GABRG2: variants seen among roughly 807,000 people sequenced by gnomAD.
The protein encoded by GABRG2 is gamma-aminobutyric acid type A receptor subunit gamma2.
In GABRG2, 16 loss-of-function variants were observed where a neutral mutation model predicts 56.4. The ratio of observed to expected loss-of-function variants is 0.28; its 90% CI spans 0.19 to 0.43. The LOEUF (loss-of-function observed/expected upper bound fraction) is 0.43, where lower values mean the gene tolerates loss of function less well. Ranked by LOEUF, GABRG2 falls within the 20% of genes least tolerant of loss-of-function variation. The pLI is 1.00. For synonymous variants in GABRG2, 208 were observed against 205.5 expected (o/e 1.01, Z -0.10); for missense variants, 327 against 582.7 (o/e 0.56, Z 4.52).
At chr5:162,094,112 T>A in intron 2 of GABRG2, 133 bp downstream of exon 2, 1 of 984,292 alleles carries the variant, frequency 1.0e-6, no homozygotes, top group Non-Finnish European at 1.6e-6. Flanking sequence ...GTAAAAGTAG[T>A]GTTTAAATAG....
At chr5:162,072,283 C>G (rs1331136058) in intron 1 of GABRG2, among the ~76,000 whole-genome samples, 1 of 151,968 alleles carries the variant, frequency 6.6e-6, no homozygotes, top group East Asian at 1.9e-4. Context: ...GGCTACCTCC[C>G]TACTACAATT....
At chr5:162,124,235 C>T (rs1360186540) in intron 6 of GABRG2, among the ~76,000 whole-genome samples, 1 of 151,764 alleles carries the variant, frequency 6.6e-6, no homozygotes, top group Non-Finnish European at 1.5e-5. Context: ...GTTTAAGAGT[C>T]CAATTGGCAA....
rs1281682946 is a variant in GABRG2 at position 162,092,802 on chromosome 5, G to A, written c.108-1026G>A. 3.9e-5 allele frequency among the ~76,000 whole-genome samples: 6 copies of A among 152,106 alleles called. No homozygotes were observed. In the East Asian group the frequency reaches 1.2e-3, roughly 29 times the overall value. ...AAAGATGGGGGCAGGGGTGGGAAATGTTATATTTTAAGTTTGCATTTTTAA... is the reference window on the plus strand; with the variant it reads ...AAAGATGGGGGCAGGGGTGGGAAATATTATATTTTAAGTTTGCATTTTTAA... On this transcript the variant is annotated intron_variant, in intron 1 of 9. Transcript: ENST00000639213.
In GABRG2 at chr5:162,101,331, C is replaced by T; in HGVS notation, c.631+14C>T. The T allele has an allele frequency of 6.5e-7, 1 of 1,543,752 alleles. No homozygotes were observed. The highest frequency in any genetic ancestry group is 9.0e-7 in the Non-Finnish European group (1 of 1,117,016). On this transcript the variant is annotated intron_variant, in intron 5 of 9. Coordinates refer to ENST00000639213, the MANE Select transcript of GABRG2 (RefSeq NM_198904.4). ...AGTTCTCCAGTTGTAAGTAATATTCCTTCTCCATTTGTATCCTCCCTCACC... is the reference window on the plus strand; with the variant it reads ...AGTTCTCCAGTTGTAAGTAATATTCTTTCTCCATTTGTATCCTCCCTCACC...
At chr5:162,110,318 G>C (rs139718817) in intron 6 of GABRG2, among the ~76,000 whole-genome samples, 36 of 152,076 alleles carry the variant, frequency 2.4e-4, no homozygotes, top group African/African-American at 7.7e-4. Context: ...CCATCATACT[G>C]TTCCCTTCCC....
intron 1 of GABRG2, among the ~76,000 whole-genome samples, chr5:162,081,761 G>T (rs767610548): frequency 3.3e-5 from 5 of 151,864 alleles, no homozygotes; most frequent in Non-Finnish European, 7.4e-5. Context: ...AACCACTCTA[G>T]CAAGTCCAAG....
intron 1 of GABRG2, among the ~76,000 whole-genome samples, chr5:162,090,440 A>G (rs1377892503): frequency 6.6e-6 from 1 of 152,094 alleles, no homozygotes; most frequent in Admixed American, 6.6e-5. Flanking sequence ...ATCATTTGTG[A>G]AACTTGTTAA....
intron 5 of GABRG2, chr5:162,102,543 G>A: frequency 2.2e-6 from 1 of 454,100 alleles, no homozygotes; most frequent in South Asian, 1.6e-5. Flanking sequence ...GTTTTGTTTT[G>A]TTTTGGACAG....
chr5:162,067,740 G>C (rs977963879), upstream of GABRG2: 2 of 609,382 alleles, frequency 3.3e-6, no homozygotes, highest in Admixed American at 2.9e-5. Context: ...CCCCTGCCTC[G>C]ATGATATTAC....
At chr5:162,108,858 A>G (rs1221639800) in intron 6 of GABRG2, among the ~76,000 whole-genome samples, 2 of 152,158 alleles carry the variant, frequency 1.3e-5, no homozygotes, top group Non-Finnish European at 2.9e-5. Context: ...TTAAGAAAAC[A>G]TGATTTCTAT....
At position 162,154,163 on chromosome 5, in the gene GABRG2, T is replaced by C. The variant is rs1419483229; in HGVS notation, c.*795T>C. 6.6e-6 allele frequency: 1 copy of C among 152,182 alleles called. No individual in the cohort carries two copies. Among genetic ancestry groups the C allele is most frequent in the Non-Finnish European group, 1.5e-5 (1 of 68,028 alleles). 9.4% of individuals were successfully genotyped at this position (152,182 alleles called of 1,614,324 possible). The stretch of plus-strand genomic sequence containing the variant: ...ATATTACAACACTTTAAGTAAAATA[T>C]AGACTGGATAATCAACATTTGCCAC... On this transcript the variant is annotated 3_prime_UTR_variant, in exon 10 of 10. Transcript: ENST00000639213.
intron 6 of GABRG2, among the ~76,000 whole-genome samples, chr5:162,128,654 A>G (rs1273514157): frequency 1.3e-5 from 2 of 151,972 alleles, no homozygotes; most frequent in African/African-American, 4.8e-5. Context: ...TGAAGCTCTG[A>G]TACTGTACTT....
At chr5:162,069,278 T>C (rs984025481) in intron 1 of GABRG2, among the ~76,000 whole-genome samples, 1 of 152,206 alleles carries the variant, frequency 6.6e-6, no homozygotes, top group Non-Finnish European at 1.5e-5. Context: ...CATTCTTCTA[T>C]ACTTTCATTT....
At chr5:162,151,577 C>T (rs1765373185) in intron 8 of GABRG2, 153 bp from the exon 9 acceptor site, 1 of 638,312 alleles carries the variant, frequency 1.6e-6, no homozygotes, top group South Asian at 2.1e-5. Flanking sequence ...AAGCTCAGAA[C>T]TCTCCTTCTG....
rs1753803615 is a variant in GABRG2, at chr5:162,155,442, C to T, written c.*2074C>T. On this transcript the variant is annotated 3_prime_UTR_variant, in exon 10 of 10. Transcript: ENST00000639213. ...ATCTAATACTTATTATAAGCTGCTC[C>T]CTGTCTATGTATTTGGAAACCTTTT... The T allele has an allele frequency of 6.6e-6, 1 of 152,150 alleles. No homozygotes were observed. The highest frequency in any genetic ancestry group is 2.4e-5 in the African/African-American group (1 of 41,322). The allele number at this position is 152,150 out of a possible 1,614,324, so 9.4% of individuals were successfully genotyped here. A position where few individuals can be genotyped will look rare whatever the true frequency, so the allele number is the denominator to read the frequency against.
At chr5:162,112,293 C>G (rs1341208330) in intron 6 of GABRG2, among the ~76,000 whole-genome samples, 1 of 151,668 alleles carries the variant, frequency 6.6e-6, no homozygotes, top group African/African-American at 2.4e-5. Flanking sequence ...TTGGTATTTT[C>G]TAACCCAGCT....
At chr5:162,149,616 G>C (rs1765217250) in intron 8 of GABRG2, 1 of 709,898 alleles carries the variant, frequency 1.4e-6, no homozygotes, top group Non-Finnish European at 2.6e-6. Context: ...ATTATTCCAG[G>C]TTTCACTGAT....
intron 5 of GABRG2, 68 bp from the exon 6 acceptor site, chr5:162,103,821 T>C: frequency 6.4e-7 from 1 of 1,552,894 alleles, no homozygotes; most frequent in Non-Finnish European, 8.9e-7. Context: ...GTCATGTTCA[T>C]AGAAGATGGT....
chr5:162,107,153 A>G (rs1207922588), intron 6 of GABRG2, among the ~76,000 whole-genome samples: 4 of 151,874 alleles, frequency 2.6e-5, no homozygotes, highest in African/African-American at 9.7e-5. Flanking sequence ...GTGGCTTCCA[A>G]CTCCATCCAT....
Sources: allele counts gnomAD v4.1 joint callset (sites outside exome capture counted in the v4.1 genomes callset), GRCh38; gene constraint gnomAD v4.1.1; transcripts MANE v1.5; gene names NCBI Gene and HGNC (gene_info 2026-07-23, HGNC 2026-07-21).